Variants in SEC23B observed in about 807,000 individuals in gnomAD.
SEC23B encodes SEC23 homolog B, COPII component.
In SEC23B, 77 loss-of-function variants were observed where a neutral mutation model predicts 104.3. The ratio of observed to expected loss-of-function variants is 0.74; its 90% CI spans 0.61 to 0.89. The LOEUF (loss-of-function observed/expected upper bound fraction) is 0.89, where lower values mean the gene tolerates loss of function less well. Among genes scored for constraint, SEC23B ranks in the 40% least tolerant of loss-of-function variants. The pLI is 0.00. For missense variants in SEC23B, 885 were observed against 949.4 expected, an observed-to-expected ratio of 0.93 and a Z score of 0.89; for synonymous variants, 338 against 332.5, an observed-to-expected ratio of 1.02 and a Z score of -0.18.
intron 19 of SEC23B, among the ~76,000 whole-genome samples, chr20:18,560,027 T>C (rs1005694136): frequency 1.3e-5 from 2 of 151,600 alleles, no homozygotes; most frequent in Non-Finnish European, 2.9e-5. Flanking sequence ...AATAAGAAAA[T>C]TTAAATTACC....
chr20:18,546,430 C>A (rs140000544), intron 15 of SEC23B, among the ~76,000 whole-genome samples: 21 of 152,256 alleles, frequency 1.4e-4, no homozygotes, highest in African/African-American at 5.1e-4. Flanking sequence ...AATAATATGT[C>A]TGTGGTTATT....
chr20:18,552,522 A>G (rs931949559), intron 17 of SEC23B, among the ~76,000 whole-genome samples: 11 of 152,218 alleles, frequency 7.2e-5, no homozygotes, highest in African/African-American at 1.2e-4. Flanking sequence ...CAAATAAAAT[A>G]TACAGCACAG....
rs778348206 is a variant in SEC23B, at chr20:18,554,368, A to G, written c.2126A>G (p.Asn709Ser). 31 of 1,614,114 alleles carry G rather than the reference A, an allele frequency of 1.9e-5. No individual in the cohort carries two copies. Among genetic ancestry groups the G allele is most frequent in the Non-Finnish European group, 2.5e-5 (29 of 1,180,056 alleles). The stretch of plus-strand genomic sequence containing the variant: ...CGCTTCCCGATGCCACGTTACATCA[A>G]CACGGAGCATGGAGGCAGTCAGGTG... ...QARFPMPRYI[N>S]TEHGGSQARF... The change falls in exon 18 of 20, where the codon AAC becomes AGC. Residue 709 changes from asparagine (N) to serine (S), a missense_variant. Physicochemically the swap from Asn to Ser is conservative, Grantham distance 46. Coordinates refer to ENST00000650089, the MANE Select transcript of SEC23B (RefSeq NM_006363.6).
intron 19 of SEC23B, among the ~76,000 whole-genome samples, chr20:18,557,998 G>A (rs956450564): frequency 2.0e-5 from 3 of 151,844 alleles, no homozygotes; most frequent in Admixed American, 6.6e-5. Context: ...TGATCCGCCC[G>A]CCTCAGCCTC....
At position 18,560,805 on chromosome 20, in the gene SEC23B, A is replaced by G; in HGVS notation, c.*65A>G. The G allele has an allele frequency of 8.5e-7, 1 of 1,183,232 alleles. No individual in the cohort carries two copies. Among genetic ancestry groups the G allele is most frequent in the Non-Finnish European group, 1.3e-6 (1 of 786,804 alleles). The allele number at this position is 1,183,232 out of a possible 1,614,324, so 73.3% of individuals were successfully genotyped here. A position where few individuals can be genotyped will look rare whatever the true frequency, so the allele number is the denominator to read the frequency against. ...TGTTCAAAATGTCTAGAAAGGCTTG[A>G]TAACATTCCTGTTACTTTTCTAGCA... On this transcript the variant is annotated 3_prime_UTR_variant, in exon 20 of 20. Coordinates refer to ENST00000650089, the MANE Select transcript of SEC23B (RefSeq NM_006363.6).
intron 11 of SEC23B, 77 bp downstream of exon 11, chr20:18,532,821 C>A: frequency 9.6e-7 from 1 of 1,036,542 alleles, no homozygotes; most frequent in East Asian, 2.4e-5. Context: ...ATGATGATCT[C>A]ACATGTGTCA....
intron 12 of SEC23B, among the ~76,000 whole-genome samples, chr20:18,537,299 A>C (rs978262138): frequency 1.3e-5 from 2 of 152,112 alleles, no homozygotes; most frequent in African/African-American, 4.8e-5. Flanking sequence ...ACGTATGTTT[A>C]TTGTGGCTCT....
chr20:18,523,426 A>T, intron 4 of SEC23B, among the ~76,000 whole-genome samples: 1 of 123,470 alleles, frequency 8.1e-6, no homozygotes. Flanking sequence ...TTTTTTAGAC[A>T]GAGCCTTGCT....
chr20:18,529,223 G>A (rs909256368), intron 9 of SEC23B, among the ~76,000 whole-genome samples: 1 of 152,206 alleles, frequency 6.6e-6, no homozygotes, highest in Non-Finnish European at 1.5e-5. Flanking sequence ...AATCTGATTT[G>A]TTCTGTATGT....
chr20:18,527,044 C>T (rs1255133342), intron 8 of SEC23B, among the ~76,000 whole-genome samples: 1 of 152,226 alleles, frequency 6.6e-6, no homozygotes, highest in Non-Finnish European at 1.5e-5. Context: ...GGCGAAACGC[C>T]TGTCTGTACT....
intron 3 of SEC23B, 57 bp from the exon 4 acceptor site, chr20:18,515,593 A>G: frequency 9.8e-7 from 1 of 1,022,048 alleles, no homozygotes; most frequent in Non-Finnish European, 1.6e-6. Flanking sequence ...ACACATGGAA[A>G]ATAAAAAGTG....
intron 16 of SEC23B, among the ~76,000 whole-genome samples, 187 bp from the exon 17 acceptor site, chr20:18,550,902 T>C (rs1303078772): frequency 1.3e-5 from 2 of 152,164 alleles, no homozygotes; most frequent in Non-Finnish European, 2.9e-5. Context: ...TCCTACAAAG[T>C]TGAGAATGAG....
At chr20:18,542,543 A>T (rs2060297416) in intron 13 of SEC23B, 141 bp downstream of exon 13, 1 of 897,678 alleles carries the variant, frequency 1.1e-6, no homozygotes, top group Non-Finnish European at 1.8e-6. Context: ...TGATCAGAGG[A>T]GGAGGCATTT....
chr20:18,541,743 T>C (rs951031213), intron 12 of SEC23B, among the ~76,000 whole-genome samples: 1 of 152,216 alleles, frequency 6.6e-6, no homozygotes, highest in African/African-American at 2.4e-5. Context: ...CAGATCACCA[T>C]AGCAGATATA....
At chr20:18,530,575 A>G in intron 9 of SEC23B, 105 bp from the exon 10 acceptor site, 2 of 1,295,046 alleles carry the variant, frequency 1.5e-6, no homozygotes, top group South Asian at 1.4e-5. Flanking sequence ...TCTTTTGGGG[A>G]CCTGGTTTCT....
chr20:18,509,739 C>G (rs2059965120), intron 1 of SEC23B: 1 of 152,252 alleles, frequency 6.6e-6, no homozygotes, highest in Non-Finnish European at 1.5e-5. Context: ...GGGCACGTGC[C>G]ACCACACCTG....
intron 12 of SEC23B, among the ~76,000 whole-genome samples, chr20:18,537,637 A>C (rs537246347): frequency 1.1e-4 from 16 of 152,160 alleles, no homozygotes; most frequent in Non-Finnish European, 1.6e-4. Context: ...ACTAATGCTA[A>C]ATGATGAGTT....
In SEC23B at chr20:18,542,303, C is replaced by T; in HGVS notation, c.1412C>T (p.Thr471Ile). The T allele has an allele frequency of 6.2e-7, 1 of 1,614,104 alleles. No individual in the cohort carries two copies. The highest frequency in any genetic ancestry group is 8.5e-7 in the Non-Finnish European group (1 of 1,179,996). ...TGGCCTCTCATCCTACAGCACAACACCCCGATCCCCCAAGGAGGCAGAGGA... is the reference window on the plus strand; with the variant it reads ...TGGCCTCTCATCCTACAGCACAACATCCCGATCCCCCAAGGAGGCAGAGGA... ...IYFEVVNQHN[T>I]PIPQGGRGAI... is the part of the protein sequence containing the mutation. Residue 471 changes from threonine to isoleucine, a missense_variant, in exon 13 of 20, where the codon ACC becomes ATC. Transcript: ENST00000650089.
Position 18,561,395 on chromosome 20 carries a change from A to G in SEC23B, c.*655A>G, listed in dbSNP as rs1472576752. 2.0e-5 allele frequency: 3 copies of G among 152,560 alleles called. No individual in the cohort carries two copies. Among genetic ancestry groups the G allele is most frequent in the Non-Finnish European group, 4.4e-5 (3 of 68,302 alleles). The allele number at this position is 152,560 out of a possible 1,614,324, so 9.5% of individuals were successfully genotyped here. ...CAATTCTCATTTTCAAAGAATCAAT[A>G]TATTAATATACCTTTGGTCATTTTT... On this transcript the variant is annotated 3_prime_UTR_variant, in exon 20 of 20. Transcript: ENST00000650089.
Sources: allele counts gnomAD v4.1 joint callset (sites outside exome capture counted in the v4.1 genomes callset), GRCh38; gene constraint gnomAD v4.1.1; transcripts MANE v1.5; gene names NCBI Gene and HGNC (gene_info 2026-07-23, HGNC 2026-07-21).